Variants in ADCY2 observed in about 807,000 individuals in gnomAD.
The protein encoded by ADCY2 is adenylate cyclase 2.
ADCY2 carries 31 observed loss-of-function variants against 125.2 expected under a neutral mutation model. The observed-to-expected ratio is 0.25, with a 90% confidence interval of 0.19 to 0.33. The LOEUF (loss-of-function observed/expected upper bound fraction) is 0.33. Ranked by LOEUF, ADCY2 falls within the 10% of genes least tolerant of loss-of-function variation. ADCY2 has a pLI of 1.00. For missense variants in ADCY2, 904 were observed against 1,418.2 expected (o/e 0.64, Z 5.82); for synonymous variants, 512 against 548.4 (o/e 0.93, Z 0.93).
At chr5:7,558,260 C>T (rs889829639) in intron 3 of ADCY2, among the ~76,000 whole-genome samples, 1 of 151,992 alleles carries the variant, frequency 6.6e-6, no homozygotes, top group Non-Finnish European at 1.5e-5. Context: ...GCCATGTTGC[C>T]GAGGCTGGTC....
At chr5:7,710,195 A>G (rs1227613655) in intron 10 of ADCY2, among the ~76,000 whole-genome samples, 1 of 152,104 alleles carries the variant, frequency 6.6e-6, no homozygotes, top group African/African-American at 2.4e-5. Flanking sequence ...TCTCAAAGTG[A>G]CACTCCCACT....
chr5:7,801,164 T>G (rs1256593564), intron 20 of ADCY2: 1 of 152,194 alleles, frequency 6.6e-6, no homozygotes, highest in Non-Finnish European at 1.5e-5. Flanking sequence ...TCCTCTGAGG[T>G]GCCACCAAAC....
chr5:7,396,615 C>T lies in ADCY2; in HGVS notation c.210+109C>T. The stretch of plus-strand genomic sequence containing the variant: ...GGCTGCCCCTCGGCCCGCGGCAGCC[C>T]CTCGGCCCGCGGCAGCCCCTCGGCC... On this transcript the variant is annotated intron_variant, in intron 1 of 24. Transcript: ENST00000338316. This position sits in a 1 kb window ranked among gnomAD's most constrained non-coding sequence, Gnocchi z 5.7. 2.5e-6 allele frequency: 2 copies of T among 789,178 alleles called. No homozygotes were observed. Among genetic ancestry groups the T allele is most frequent in the South Asian group, 4.5e-5 (1 of 22,220 alleles). The allele number at this position is 789,178 out of a possible 1,614,324, so 48.9% of individuals were successfully genotyped here.
Position 7,804,626 on chromosome 5 carries a change from G to A in ADCY2, c.2817G>A (p.Lys939=). 1 of 1,614,194 alleles carries A rather than the reference G, an allele frequency of 6.2e-7. No homozygotes were observed. Among genetic ancestry groups the A allele is most frequent in the Non-Finnish European group, 8.5e-7 (1 of 1,180,044 alleles). ...KPKFSGVEKI[K]TIGSTYMAAT... is the part of the protein sequence containing the mutation. Reference sequence around the variant, plus strand: ...AATTCAGTGGAGTTGAAAAGATTAAGACCATTGGCAGCACATACATGGCAG... The same window carrying A: ...AATTCAGTGGAGTTGAAAAGATTAAAACCATTGGCAGCACATACATGGCAG... The change falls in exon 22 of 25, where the codon AAG becomes AAA. Residue 939 remains lysine, a synonymous_variant. Coordinates refer to ENST00000338316, the MANE Select transcript of ADCY2 (RefSeq NM_020546.3).
chr5:7,782,620 T>C (rs969533189), intron 18 of ADCY2, among the ~76,000 whole-genome samples: 3 of 152,238 alleles, frequency 2.0e-5, no homozygotes, highest in African/African-American at 7.2e-5. Flanking sequence ...TCATAGATGC[T>C]TTTTCTGGCC....
At chr5:7,765,550 C>G (rs1007441179) in intron 16 of ADCY2, among the ~76,000 whole-genome samples, 1 of 152,086 alleles carries the variant, frequency 6.6e-6, no homozygotes, top group Non-Finnish European at 1.5e-5. Context: ...TCTCGTATCT[C>G]TATTGACTGT....
intron 3 of ADCY2, among the ~76,000 whole-genome samples, chr5:7,603,163 C>T (rs1178568610): frequency 6.6e-6 from 1 of 152,210 alleles, no homozygotes; most frequent in African/African-American, 2.4e-5. Context: ...GAGGCCGTTC[C>T]TTCCTGAGGC....
intron 24 of ADCY2, 38 bp from the exon 25 acceptor site, chr5:7,826,681 G>A: frequency 6.2e-7 from 1 of 1,613,858 alleles, no homozygotes; most frequent in Non-Finnish European, 8.5e-7. Context: ...ATCAATGTAT[G>A]TACTAAGCCC....
chr5:7,470,634 ATGTGTGTGTGTGTG>A (rs35202661), intron 2 of ADCY2, among the ~76,000 whole-genome samples: 1 of 147,656 alleles, frequency 6.8e-6, no homozygotes, highest in Non-Finnish European at 1.5e-5. Flanking sequence ...TACTGTATAT[ATGTGTGTGTGTGTG>A]TGTGTGTGTT....
intron 22 of ADCY2, among the ~76,000 whole-genome samples, chr5:7,811,060 T>G (rs1744927758): frequency 6.6e-6 from 1 of 152,084 alleles, no homozygotes; most frequent in Admixed American, 6.5e-5. Context: ...TTACTCACAG[T>G]TTCTAACAGG....
chr5:7,523,716 A>G (rs1744545142), intron 3 of ADCY2, among the ~76,000 whole-genome samples: 1 of 152,196 alleles, frequency 6.6e-6, no homozygotes, highest in Admixed American at 6.5e-5. Context: ...ACTTTATTGA[A>G]TTCTTTTTAT....
intron 22 of ADCY2, among the ~76,000 whole-genome samples, chr5:7,808,545 G>A (rs1274358559): frequency 6.6e-6 from 1 of 152,216 alleles, no homozygotes; most frequent in Non-Finnish European, 1.5e-5. Context: ...TTTTAAAGAT[G>A]GAGAAACTGA....
At chr5:7,513,106 C>G (rs143161135) in intron 2 of ADCY2, among the ~76,000 whole-genome samples, 172 of 138,530 alleles carry the variant, frequency 1.2e-3, no homozygotes, top group East Asian at 2.3e-3. Context: ...CACACACACA[C>G]AGAGAGAGAG....
Position 7,789,745 on chromosome 5 carries a change from A to G in ADCY2, c.2573A>G (p.Asn858Ser). Residue 858 changes from asparagine to serine, a missense_variant, in exon 20 of 25, where the codon AAC becomes AGC. Physicochemically the swap from Asn to Ser is conservative, Grantham distance 46. Coordinates refer to ENST00000338316, the MANE Select transcript of ADCY2 (RefSeq NM_020546.3). ...MENLNRVLLE[N>S]VLPAHVAEHF... ...AACCTGAACCGCGTGCTGCTGGAGA[A>G]CGTGCTTCCCGCGCACGTGGCTGAG... is the stretch of plus-strand genomic sequence containing the variant. The G allele has an allele frequency of 6.2e-7, 1 of 1,605,060 alleles. No individual in the cohort carries two copies. Among genetic ancestry groups the G allele is most frequent in the Non-Finnish European group, 8.5e-7 (1 of 1,175,908 alleles).
At chr5:7,784,656 A>G (rs1744028699) in intron 19 of ADCY2, among the ~76,000 whole-genome samples, 1 of 152,166 alleles carries the variant, frequency 6.6e-6, no homozygotes, top group South Asian at 2.1e-4. Flanking sequence ...TTTCCACAAA[A>G]GGCAAATGTT....
intron 18 of ADCY2, among the ~76,000 whole-genome samples, chr5:7,778,997 G>T (rs576006679): frequency 6.6e-5 from 10 of 152,032 alleles, no homozygotes; most frequent in Non-Finnish European, 1.2e-4. Context: ...AAATATTTTC[G>T]ATTCCTTTCA....
At chr5:7,594,492 TA>T (rs1736943797) in intron 3 of ADCY2, among the ~76,000 whole-genome samples, 1 of 152,238 alleles carries the variant, frequency 6.6e-6, no homozygotes, top group Non-Finnish European at 1.5e-5. Context: ...TTTGAAACAA[TA>T]AACAGTATTT....
intron 3 of ADCY2, among the ~76,000 whole-genome samples, chr5:7,553,970 C>T (rs1327791478): frequency 6.6e-6 from 1 of 152,104 alleles, no homozygotes; most frequent in African/African-American, 2.4e-5. Flanking sequence ...GCTGGAGTTA[C>T]TTTGAAAATC....
intron 3 of ADCY2, among the ~76,000 whole-genome samples, chr5:7,568,884 G>A (rs570315130): frequency 6.6e-6 from 1 of 152,252 alleles, no homozygotes; most frequent in East Asian, 1.9e-4. Context: ...ATGACATGGA[G>A]CTGCATGAGT....
Sources: gnomAD v4.1 joint callset for allele counts (sites outside exome capture counted in the v4.1 genomes callset) on GRCh38, gnomAD v4.1.1 for gene constraint, Gnocchi (gnomAD v3.1) non-coding constraint, MANE v1.5 for transcripts, NCBI Gene and HGNC (gene_info 2026-07-23, HGNC 2026-07-21) for gene names.